Variants in PSD3 observed in about 807,000 individuals in gnomAD.
PSD3 encodes PH and SEC7 domain-containing protein 3.
Under a neutral mutation model 105.5 loss-of-function variants are expected in PSD3, and 49 were observed. That is an observed-to-expected ratio of 0.46 (90% confidence interval 0.37 to 0.59). The LOEUF (loss-of-function observed/expected upper bound fraction) is 0.59, where lower values mean the gene tolerates loss of function less well. Among genes scored for constraint, PSD3 ranks in the 20% least tolerant of loss-of-function variants. The pLI is 0.00. For missense variants in PSD3, 1,561 were observed against 1,263.8 expected (o/e 1.24, Z -3.57); for synonymous variants, 557 against 457.8 (o/e 1.22, Z -2.77).
intron 4 of PSD3, among the ~76,000 whole-genome samples, chr8:18,859,371 C>G (rs1384318533): frequency 6.6e-6 from 1 of 151,920 alleles, no homozygotes; most frequent in African/African-American, 2.4e-5. Context: ...AAGGATAATT[C>G]TGAAGGGCCG....
At chr8:18,595,531 C>T (rs1250590165) in intron 12 of PSD3, among the ~76,000 whole-genome samples, 1 of 149,824 alleles carries the variant, frequency 6.7e-6, no homozygotes, top group Admixed American at 6.7e-5. Flanking sequence ...AAGCTGTCTA[C>T]AAGAGACTCA....
intron 2 of PSD3, among the ~76,000 whole-genome samples, chr8:18,877,585 T>A (rs891748374): frequency 4.6e-5 from 7 of 150,764 alleles, no homozygotes; most frequent in Admixed American, 4.0e-4. Context: ...TCTGTCGCCC[T>A]GGCTGGAGTA....
intron 11 of PSD3, among the ~76,000 whole-genome samples, chr8:18,615,012 T>G (rs1241297974): frequency 1.3e-5 from 2 of 152,136 alleles, no homozygotes; most frequent in Non-Finnish European, 2.9e-5. Flanking sequence ...TTCAAAAAGT[T>G]AGGCATAACA....
intron 14 of PSD3, among the ~76,000 whole-genome samples, chr8:18,564,868 G>T (rs1444142306): frequency 6.6e-6 from 1 of 152,062 alleles, no homozygotes; most frequent in African/African-American, 2.4e-5. Flanking sequence ...ATCAAGCATA[G>T]GACTGCTTTG....
intron 1 of PSD3, among the ~76,000 whole-genome samples, chr8:19,010,116 A>C (rs1343632912): frequency 1.3e-5 from 2 of 152,250 alleles, no homozygotes; most frequent in African/African-American, 4.8e-5. Flanking sequence ...CTCAGAGGAA[A>C]GGGAATTTCA....
chr8:19,027,018 G>C (rs1827579784), intron 1 of PSD3, among the ~76,000 whole-genome samples: 1 of 152,134 alleles, frequency 6.6e-6, no homozygotes, highest in African/African-American at 2.4e-5. Context: ...GCTCTAAAGA[G>C]AGAAATGTTG....
intron 4 of PSD3, among the ~76,000 whole-genome samples, chr8:18,865,510 C>G (rs1816858538): frequency 6.6e-6 from 1 of 151,694 alleles, no homozygotes; most frequent in African/African-American, 2.4e-5. Flanking sequence ...TGAATAGAGA[C>G]ATACATCACA....
chr8:18,573,209 C>T (rs771963228), intron 13 of PSD3, among the ~76,000 whole-genome samples: 131 of 152,160 alleles, frequency 8.6e-4, no homozygotes, highest in Non-Finnish European at 1.3e-3. Context: ...GTGGCTCATG[C>T]CTGTAATCCC....
chr8:19,047,899 C>T (rs1828382472), intron 1 of PSD3, among the ~76,000 whole-genome samples: 2 of 152,090 alleles, frequency 1.3e-5, no homozygotes, highest in South Asian at 2.1e-4. Context: ...ATGATGCCTA[C>T]TCACAGCTAG....
At chr8:18,842,659 G>T (rs1814730865) in intron 4 of PSD3, among the ~76,000 whole-genome samples, 1 of 152,116 alleles carries the variant, frequency 6.6e-6, no homozygotes, top group South Asian at 2.1e-4. Flanking sequence ...CGTGAACCCG[G>T]GATGCGGAGT....
At chr8:18,799,403 G>C (rs1219203025) in intron 7 of PSD3, 50 bp from the exon 8 acceptor site, 2 of 1,389,528 alleles carry the variant, frequency 1.4e-6, no homozygotes, top group Non-Finnish European at 1.0e-6. Context: ...TTCACTGTTG[G>C]ACTCCACCTT....
intron 2 of PSD3, among the ~76,000 whole-genome samples, chr8:18,925,943 G>C (rs1821333869): frequency 6.6e-6 from 1 of 152,106 alleles, no homozygotes; most frequent in Non-Finnish European, 1.5e-5. Context: ...CCTCATTTTA[G>C]AAATGATAGA....
intron 9 of PSD3, among the ~76,000 whole-genome samples, chr8:18,680,290 C>A (rs1239755082): frequency 6.6e-6 from 1 of 152,116 alleles, no homozygotes; most frequent in Non-Finnish European, 1.5e-5. Flanking sequence ...GGTTTTGAAA[C>A]CCCAAGGGTA....
intron 1 of PSD3, among the ~76,000 whole-genome samples, chr8:19,064,338 T>C (rs774130175): frequency 1.3e-5 from 2 of 152,172 alleles, no homozygotes; most frequent in Non-Finnish European, 2.9e-5. Context: ...TTGATTCGTT[T>C]CTTAAAAAAT....
At chr8:18,880,783 A>G (rs1025558877) in intron 2 of PSD3, among the ~76,000 whole-genome samples, 2 of 152,240 alleles carry the variant, frequency 1.3e-5, no homozygotes, top group Non-Finnish European at 2.9e-5. Flanking sequence ...GCCTTCCTGA[A>G]TTAGTCCTAC....
intron 9 of PSD3, among the ~76,000 whole-genome samples, chr8:18,701,094 T>C (rs1318048545): frequency 2.6e-5 from 4 of 151,558 alleles, no homozygotes; most frequent in Admixed American, 6.6e-5. Context: ...GCCTCCCAAG[T>C]AGCTGAGACC....
intron 10 of PSD3, among the ~76,000 whole-genome samples, chr8:18,638,134 G>C (rs150585369): frequency 1.5e-5 from 2 of 135,334 alleles, no homozygotes; most frequent in African/African-American, 5.7e-5. Flanking sequence ...CAGCCTGGGC[G>C]ACAGAGCGAG....
chr8:18,961,255 ACT>A (rs1563465882), intron 1 of PSD3, among the ~76,000 whole-genome samples: 1 of 152,232 alleles, frequency 6.6e-6, no homozygotes, highest in East Asian at 1.9e-4. Flanking sequence ...TGGAAACAAC[ACT>A]CTTTTTTACT....
At chr8:18,667,077 G>A (rs1286452455) in intron 9 of PSD3, among the ~76,000 whole-genome samples, 1 of 152,070 alleles carries the variant, frequency 6.6e-6, no homozygotes, top group Non-Finnish European at 1.5e-5. Context: ...CCTTTGTGTT[G>A]AGTGTTACAG....
Sources: allele counts gnomAD v4.1 joint callset (sites outside exome capture counted in the v4.1 genomes callset), GRCh38; gene constraint gnomAD v4.1.1; transcripts MANE v1.5; gene names NCBI Gene and HGNC (gene_info 2026-07-23, HGNC 2026-07-21).